The following PCDHGA1 variants were observed in gnomAD, a reference collection of about 807,000 sequenced individuals.
PCDHGA1 encodes the protein protocadherin gamma-A1.
Under a neutral mutation model 58.0 loss-of-function variants are expected in PCDHGA1, and 32 were observed. The ratio of observed to expected loss-of-function variants is 0.55; its 90% CI spans 0.42 to 0.74. The LOEUF is 0.74. Ranked by LOEUF, PCDHGA1 falls within the 30% of genes least tolerant of loss-of-function variation. The pLI is 0.00. For missense variants in PCDHGA1, 1,205 were observed against 1,182.3 expected, an observed-to-expected ratio of 1.02 and a Z score of -0.28; for synonymous variants, 498 against 501.1, an observed-to-expected ratio of 0.99 and a Z score of 0.08.
intron 1 of PCDHGA1, chr5:141,441,470 C>G (rs1170727138): frequency 5.9e-6 from 1 of 168,868 alleles, no homozygotes; most frequent in East Asian, 1.9e-4. Context: ...ATTGGCGATG[C>G]CAACGACAAT....
chr5:141,404,073 G>A lies in PCDHGA1; in HGVS notation c.2421+70968G>A, dbSNP rs746951310. On this transcript the variant is annotated intron_variant, in intron 1 of 3. Transcript: ENST00000517417. The stretch of plus-strand genomic sequence containing the variant: ...ATTCTTCTTTTCAATGCTCATGACC[G>A]AGACTCCGGGAAGAATGGTCAAGTT... The A allele has an allele frequency of 1.5e-5, 24 of 1,613,602 alleles. No individual in the cohort carries two copies. Among genetic ancestry groups the A allele is most frequent in the Non-Finnish European group, 1.9e-5 (22 of 1,179,684 alleles).
At chr5:141,374,954 A>C in intron 1 of PCDHGA1, 1 of 1,613,990 alleles carries the variant, frequency 6.2e-7, no homozygotes, top group Non-Finnish European at 8.5e-7. Flanking sequence ...GATCTCACAA[A>C]TTTTCTGTTT....
chr5:141,491,048 C>G lies in PCDHGA1; in HGVS notation c.2422-3759C>G. On this transcript the variant is annotated intron_variant, in intron 1 of 3. Coordinates refer to ENST00000517417, the MANE Select transcript of PCDHGA1 (RefSeq NM_018912.3). The surrounding 1 kb of genome is among the most constrained non-coding windows in gnomAD (Gnocchi z 6.9). ...GTGGATGCTGATGCAGGCCACAATGCGTGGCTCTCCTACTCACTGTTGCCA... is the reference window on the plus strand; with the variant it reads ...GTGGATGCTGATGCAGGCCACAATGGGTGGCTCTCCTACTCACTGTTGCCA... 1.2e-6 allele frequency: 2 copies of G among 1,614,066 alleles called. No individual in the cohort carries two copies. Among genetic ancestry groups the G allele is most frequent in the Non-Finnish European group, 8.5e-7 (1 of 1,179,952 alleles).
rs751571821 is a variant in PCDHGA1 at position 141,331,878 on chromosome 5, T to A, written c.1194T>A (p.Val398=). The change falls in exon 1 of 4, where the codon GTT becomes GTA. Residue 398 remains valine (V), a synonymous_variant. Coordinates refer to ENST00000517417, the MANE Select transcript of PCDHGA1 (RefSeq NM_018912.3). ...GNLPFKLEKL[V]DNYYRLVTER... is the part of the protein sequence containing the mutation. ...TACCCTTTAAATTGGAAAAGTTAGT[T>A]GATAATTATTACCGTTTAGTGACTG... 12 of 1,614,060 alleles carry A rather than the reference T, an allele frequency of 7.4e-6. No homozygotes were observed. Among genetic ancestry groups the A allele is most frequent in the Admixed American group, 1.7e-5 (1 of 59,996 alleles).
At position 141,491,265 on chromosome 5, in the gene PCDHGA1, C is replaced by G. The variant is rs868682993; in HGVS notation, c.2422-3542C>G. ...AGGATGAGGACCCTGAGGAAATGCCCAAATCCAGTGACTTCCTCATACACC... is the reference window on the plus strand; with the variant it reads ...AGGATGAGGACCCTGAGGAAATGCCGAAATCCAGTGACTTCCTCATACACC... On this transcript the variant is annotated intron_variant, in intron 1 of 3. Transcript: ENST00000517417. The surrounding 1 kb of genome is among the most constrained non-coding windows in gnomAD (Gnocchi z 6.9). The G allele has an allele frequency of 6.2e-7, 1 of 1,614,074 alleles. No individual in the cohort carries two copies. The highest frequency in any genetic ancestry group is 8.5e-7 in the Non-Finnish European group (1 of 1,179,916).
In PCDHGA1 at chr5:141,489,375, G is replaced by A. The variant is rs768190252; in HGVS notation, c.2422-5432G>A. The A allele has an allele frequency of 1.2e-5, 19 of 1,613,826 alleles. No individual in the cohort carries two copies. The Admixed American group carries it at 3.2e-4, about 27-fold the overall frequency. ...AGGAGTCTGAGCCGGGGACGCTGGT[G>A]GGGAATGTTGCTCAGGATCTGGGCT... On this transcript the variant is annotated intron_variant, in intron 1 of 3. Transcript: ENST00000517417. The surrounding 1 kb of genome is among the most constrained non-coding windows in gnomAD (Gnocchi z 4.5).
chr5:141,434,178 G>C (rs960680568), intron 1 of PCDHGA1, among the ~76,000 whole-genome samples: 1 of 152,178 alleles, frequency 6.6e-6, no homozygotes, highest in African/African-American at 2.4e-5. Flanking sequence ...TTATATCCAA[G>C]ATTTGTAATT....
At chr5:141,408,504 G>C (rs752297449) in intron 1 of PCDHGA1, 2 of 1,613,936 alleles carry the variant, frequency 1.2e-6, no homozygotes, top group Non-Finnish European at 1.7e-6. Context: ...GAGAGAAGAA[G>C]ATGTGAGTTG....
intron 3 of PCDHGA1, among the ~76,000 whole-genome samples, chr5:141,510,584 C>T (rs2099881791): frequency 1.3e-5 from 2 of 152,184 alleles, no homozygotes. Flanking sequence ...TTTTACGTAC[C>T]TGACATACAT....
At chr5:141,350,425 T>A (rs759895057) in intron 1 of PCDHGA1, 1 of 1,607,986 alleles carries the variant, frequency 6.2e-7, no homozygotes, top group East Asian at 2.2e-5. Context: ...TGGGGCTCAG[T>A]GTCCGGGAGT....
chr5:141,463,975 C>T lies in PCDHGA1; in HGVS notation c.2422-30832C>T, dbSNP rs145316182. Among the ~76,000 whole-genome samples the T allele has an allele frequency of 1.3e-3, 204 of 151,992 alleles. 1 individual carries two copies. Among genetic ancestry groups the T allele is most frequent in the African/African-American group, 4.8e-3 (198 of 41,474 alleles). The stretch of plus-strand genomic sequence containing the variant: ...TTTTTAAAATAGCTTCATAAAACTC[C>T]ATTGTAAAAACCAGGTGCAGTGGCT... On this transcript the variant is annotated intron_variant, in intron 1 of 3. Transcript: ENST00000517417.
intron 1 of PCDHGA1, among the ~76,000 whole-genome samples, chr5:141,381,826 C>CTTTTTTTTTTTTTTTTTTTTT (rs770630741): frequency 2.7e-5 from 2 of 74,284 alleles, no homozygotes; most frequent in Admixed American, 1.9e-4. Flanking sequence ...CTTTCTTCTT[C>CTTTTTTTTTTTTTTTTTTTTT]TTTTTTTTTT....
At chr5:141,384,518 C>T (rs1479729851) in intron 1 of PCDHGA1, 7 of 1,614,192 alleles carry the variant, frequency 4.3e-6, no homozygotes, top group East Asian at 4.5e-5. Flanking sequence ...AGCGGGGACC[C>T]GCCTCTCAGC....
intron 1 of PCDHGA1, chr5:141,371,082 G>A (rs1767471058): frequency 1.9e-6 from 3 of 1,613,856 alleles, no homozygotes; most frequent in Non-Finnish European, 1.7e-6. Flanking sequence ...CCAGATCAGG[G>A]TAATTGTCGC....
At chr5:141,433,123 C>A in intron 1 of PCDHGA1, 1 of 1,614,116 alleles carries the variant, frequency 6.2e-7, no homozygotes, top group Non-Finnish European at 8.5e-7. Context: ...TTGAAAAAAG[C>A]GAGCCCCTTT....
intron 1 of PCDHGA1, chr5:141,343,863 C>G: frequency 5.3e-6 from 3 of 564,686 alleles, no homozygotes; most frequent in South Asian, 3.3e-5. Flanking sequence ...AAAGAACCAG[C>G]AAATCAGACT....
intron 1 of PCDHGA1, chr5:141,430,643 T>C (rs1432236231): frequency 2.1e-6 from 2 of 947,068 alleles, no homozygotes; most frequent in Non-Finnish European, 3.0e-6. Context: ...CCTGGGAGTA[T>C]GTGGAAACAA....
intron 1 of PCDHGA1, among the ~76,000 whole-genome samples, chr5:141,438,511 C>G (rs1436337566): frequency 6.8e-6 from 1 of 146,550 alleles, no homozygotes; most frequent in Non-Finnish European, 1.5e-5. Context: ...AGTGCAAAAC[C>G]AATTATTTTA....
Position 141,421,724 on chromosome 5 carries a change from A to G in PCDHGA1, c.2422-73083A>G, listed in dbSNP as rs541532003. On this transcript the variant is annotated intron_variant, in intron 1 of 3. Transcript: ENST00000517417. ...GCTAGGGATCCAGATGTGGGCGTGA[A>G]CTCCCTCCAGAGCTACCAGCTCAGC... 250 of 1,613,766 alleles carry G rather than the reference A, an allele frequency of 1.5e-4. 5 individuals are homozygous for G. The South Asian group carries it at 2.6e-3, about 17-fold the overall frequency.
Sources: gnomAD v4.1 joint callset for allele counts (sites outside exome capture counted in the v4.1 genomes callset) on GRCh38, gnomAD v4.1.1 for gene constraint, Gnocchi (gnomAD v3.1) non-coding constraint, MANE v1.5 for transcripts, NCBI Gene and HGNC (gene_info 2026-07-23, HGNC 2026-07-21) for gene names.